Variants in PPL observed in about 807,000 individuals in gnomAD.
PPL encodes the protein 190 kDa paraneoplastic pemphigus antigen.
A neutral mutation model predicts 194.4 loss-of-function variants in PPL; 198 were observed. That is an observed-to-expected ratio of 1.02 (90% CI 0.91 to 1.15). The LOEUF (loss-of-function observed/expected upper bound fraction) is 1.15, where lower values mean the gene tolerates loss of function less well. PPL is among the 50% of genes most tolerant of loss of function. The probability of loss-of-function intolerance (pLI) is 0.00; values close to 1 mark genes in which losing one functional copy is unlikely to be tolerated. For synonymous variants in PPL, 1,220 were observed against 972.4 expected (o/e 1.25, Z -4.74); for missense variants, 2,885 against 2,294.8 (o/e 1.26, Z -5.25).
In PPL at chr16:4,895,334, G is replaced by A. The variant is rs754672211; in HGVS notation, c.1169C>T (p.Pro390Leu). 1 of 1,613,382 alleles carries A rather than the reference G, an allele frequency of 6.2e-7. No homozygotes were observed. The highest frequency in any genetic ancestry group is 8.5e-7 in the Non-Finnish European group (1 of 1,179,974). ...GLQKRGQQVV[P>L]LKYRRETPLK... ...CGGAGTCTCCCGGCGGTACTTGAGG[G>A]GCACCACCTGCTGGCCTCGCTTCTG... is the stretch of plus-strand genomic sequence containing the variant. Residue 390 changes from proline (P) to leucine (L), a missense_variant, in exon 11 of 22, where the codon CCC becomes CTC. Physicochemically the swap from Pro to Leu is moderately conservative, Grantham distance 98. Coordinates refer to ENST00000345988, the MANE Select transcript of PPL (RefSeq NM_002705.5).
chr16:4,920,488 C>G (rs2089028528), intron 1 of PPL, among the ~76,000 whole-genome samples: 2 of 151,946 alleles, frequency 1.3e-5, no homozygotes, highest in Non-Finnish European at 2.9e-5. Context: ...AATTTTGAAA[C>G]AGTCTTGCTC....
chr16:4,926,892 A>AAC (rs2089164786), intron 1 of PPL, among the ~76,000 whole-genome samples: 1 of 115,396 alleles, frequency 8.7e-6, no homozygotes, highest in African/African-American at 3.6e-5. Flanking sequence ...AAAAAAAAAA[A>AAC]CAAAAAAAAA....
chr16:4,898,144 G>T lies in PPL; in HGVS notation c.877-374C>A, dbSNP rs536766836. Among the ~76,000 whole-genome samples, 134 of 152,308 alleles carry T rather than the reference G, an allele frequency of 8.8e-4. 1 individual carries two copies. The highest frequency in any genetic ancestry group is 1.8e-3 in the Non-Finnish European group (120 of 68,018). On this transcript the variant is annotated intron_variant, in intron 8 of 21. Transcript: ENST00000345988. ...TGTAATCGCAGCACTTTGGGAGGCC[G>T]AGGCGGGTGGATCACCTGAGGTCAG...
At chr16:4,923,258 G>A (rs921082117) in intron 1 of PPL, among the ~76,000 whole-genome samples, 1 of 152,132 alleles carries the variant, frequency 6.6e-6, no homozygotes. Flanking sequence ...CTGCCCCTCT[G>A]GCCTCACCTT....
At chr16:4,926,333 T>C (rs2089154017) in intron 1 of PPL, among the ~76,000 whole-genome samples, 1 of 152,204 alleles carries the variant, frequency 6.6e-6, no homozygotes, top group South Asian at 2.1e-4. Context: ...CAACTCTTTG[T>C]CATCTCTCTG....
At chr16:4,926,396 T>A (rs1486676046) in intron 1 of PPL, among the ~76,000 whole-genome samples, 1 of 152,190 alleles carries the variant, frequency 6.6e-6, no homozygotes, top group Non-Finnish European at 1.5e-5. Context: ...CCCCCAGAGA[T>A]ATGAATTGTC....
chr16:4,889,421 A>G (rs1596545830), intron 18 of PPL, among the ~76,000 whole-genome samples: 1 of 149,372 alleles, frequency 6.7e-6, no homozygotes, highest in Admixed American at 6.7e-5. Flanking sequence ...TACCCAGCTA[A>G]TTTTTTTTTG....
Position 4,936,887 on chromosome 16 carries a change from G to A in PPL, c.62+97C>T, listed in dbSNP as rs937809384. The A allele has an allele frequency of 2.3e-5, 29 of 1,253,998 alleles. No individual in the cohort carries two copies. In the African/African-American group the frequency reaches 2.7e-4, roughly 12 times the overall value. 77.7% of individuals were successfully genotyped at this position (1,253,998 alleles called of 1,614,324 possible). A position where few individuals can be genotyped will look rare whatever the true frequency, so the allele number is the denominator to read the frequency against. ...TTCAGTTCCCGGTTCCTGGACCCCC[G>A]TACCCCCCATTCCTACACTGCCCGG... On this transcript the variant is annotated intron_variant, in intron 1 of 21. Coordinates refer to ENST00000345988, the MANE Select transcript of PPL (RefSeq NM_002705.5).
chr16:4,899,668 C>G (rs879135761), intron 6 of PPL, among the ~76,000 whole-genome samples: 1 of 140,678 alleles, frequency 7.1e-6, no homozygotes, highest in South Asian at 2.3e-4. Flanking sequence ...ATACAGCAAA[C>G]GAAACACACA....
chr16:4,923,884 C>G (rs996423542), intron 1 of PPL, among the ~76,000 whole-genome samples: 1 of 152,224 alleles, frequency 6.6e-6, no homozygotes, highest in African/African-American at 2.4e-5. Flanking sequence ...CTTGCCAGGG[C>G]AGGGCTCTTT....
Position 4,884,571 on chromosome 16 carries a change from G to T in PPL, c.4084C>A (p.Pro1362Thr). ...GCGCTCGCCTCGGCCCGCAGGCCTGGCTCCTCCTCATACCTGACCACCTCC... is the reference window on the plus strand; with the variant it reads ...GCGCTCGCCTCGGCCCGCAGGCCTGTCTCCTCCTCATACCTGACCACCTCC... The part of the protein sequence containing the change: ...QQEVVRYEEE[P>T]GLRAEASAFA... The change falls in exon 22 of 22, where the codon CCA becomes ACA. Residue 1362 changes from proline to threonine, a missense_variant. Pro to Thr is a conservative substitution (Grantham distance 38). Transcript: ENST00000345988. The surrounding 1 kb of genome is among the most constrained non-coding windows in gnomAD (Gnocchi z 5.7). 1.2e-6 allele frequency: 2 copies of T among 1,613,944 alleles called. No individual in the cohort carries two copies. Among genetic ancestry groups the T allele is most frequent in the Non-Finnish European group, 1.7e-6 (2 of 1,179,984 alleles).
Position 4,883,695 on chromosome 16 carries a change from G to C in PPL, c.4960C>G (p.Leu1654Val). 2 of 1,614,064 alleles carry C rather than the reference G, an allele frequency of 1.2e-6. No individual in the cohort carries two copies. The highest frequency in any genetic ancestry group is 1.7e-6 in the Non-Finnish European group (2 of 1,180,004). Residue 1654 changes from leucine to valine, a missense_variant, in exon 22 of 22, where the codon CTG becomes GTG. By Grantham distance (32) the Leu-to-Val change is conservative (BLOSUM62 1). Coordinates refer to ENST00000345988, the MANE Select transcript of PPL (RefSeq NM_002705.5). The surrounding 1 kb of genome is among the most constrained non-coding windows in gnomAD (Gnocchi z 4.8). ...TGGATGACTACGATGGAGCGCCGCA[G>C]GTGGTTCTCCCGCTGCTCCCGCTTG... is the stretch of plus-strand genomic sequence containing the variant. ...AVKREQRENH[L>V]RRSIVVIHPD...
At chr16:4,920,107 A>T (rs1359994186) in intron 1 of PPL, among the ~76,000 whole-genome samples, 2 of 151,490 alleles carry the variant, frequency 1.3e-5, no homozygotes, top group African/African-American at 4.9e-5. Flanking sequence ...AACCTGGTGA[A>T]ACTCCGTCTC....
rs375096392 is a variant in PPL at position 4,899,925 on chromosome 16, G to A, written c.607-541C>T. 1.1e-4 allele frequency among the ~76,000 whole-genome samples: 16 copies of A among 152,284 alleles called. No homozygotes were observed. The South Asian group carries it at 2.9e-3, about 28-fold the overall frequency. ...AGGAGGGATGTTTGCATTTTGGTAC[G>A]TGGGGCCCTCCACGCCTGATGAACT... On this transcript the variant is annotated intron_variant, in intron 6 of 21. Transcript: ENST00000345988.
Position 4,899,126 on chromosome 16 carries a change from G to C in PPL, c.769-6C>G, listed in dbSNP as rs757527816. 1.2e-6 allele frequency: 2 copies of C among 1,613,706 alleles called. No individual in the cohort carries two copies. The highest frequency in any genetic ancestry group is 1.7e-5 in the Admixed American group (1 of 60,032). ...AGGTTCCGGTTGATGAAATTCTGCA[G>C]TGGGGGGCAGTGGAGGGGCCTCAGT... On this transcript the variant is annotated splice_polypyrimidine_tract_variant and splice_region_variant and intron_variant, in intron 7 of 21. Transcript: ENST00000345988.
intron 9 of PPL, among the ~76,000 whole-genome samples, chr16:4,896,263 TC>T (rs2088425435): frequency 1.3e-5 from 2 of 152,072 alleles, no homozygotes; most frequent in South Asian, 4.1e-4. Context: ...CATCCAGCTT[TC>T]CCCAGACACC....
intron 2 of PPL, among the ~76,000 whole-genome samples, chr16:4,907,568 G>T (rs965345406): frequency 6.6e-6 from 1 of 152,108 alleles, no homozygotes; most frequent in Non-Finnish European, 1.5e-5. Context: ...GAGGTGGGGA[G>T]TAACTGTTAA....
In PPL at chr16:4,882,743, C is replaced by T. The variant is rs1482340392; in HGVS notation, c.*641G>A. 6.6e-6 allele frequency: 1 copy of T among 152,664 alleles called. No homozygotes were observed. Among genetic ancestry groups the T allele is most frequent in the Admixed American group, 6.5e-5 (1 of 15,296 alleles). 9.5% of individuals were successfully genotyped at this position (152,664 alleles called of 1,614,324 possible). On this transcript the variant is annotated 3_prime_UTR_variant, in exon 22 of 22. Transcript: ENST00000345988. ...CTATCAAAGGATTTAAATGCCAGAACTGTGAAACATTCTCTGTAGGTGCCG... is the reference window on the plus strand; with the variant it reads ...CTATCAAAGGATTTAAATGCCAGAATTGTGAAACATTCTCTGTAGGTGCCG...
intron 8 of PPL, among the ~76,000 whole-genome samples, chr16:4,898,512 G>T (rs1047284456): frequency 3.9e-4 from 60 of 152,156 alleles, no homozygotes; most frequent in Non-Finnish European, 5.7e-4. Context: ...ATCCTTATAA[G>T]AAGAGAGGAT....
Sources: allele counts gnomAD v4.1 joint callset (sites outside exome capture counted in the v4.1 genomes callset), GRCh38; gene constraint gnomAD v4.1.1; non-coding constraint Gnocchi (gnomAD v3.1); transcripts MANE v1.5; gene names NCBI Gene and HGNC (gene_info 2026-07-23, HGNC 2026-07-21).